The following ADCY2 variants were observed in gnomAD, a reference collection of about 807,000 sequenced individuals.
The protein encoded by ADCY2 is adenylate cyclase 2, also known as adenylate cyclase type 2.
A neutral mutation model predicts 125.2 loss-of-function variants in ADCY2; 31 were observed. The ratio of observed to expected loss-of-function variants is 0.25; its 90% CI spans 0.19 to 0.33. The LOEUF (loss-of-function observed/expected upper bound fraction) is 0.33, where lower values mean the gene tolerates loss of function less well. Among genes scored for constraint, ADCY2 ranks in the 10% least tolerant of loss-of-function variants. The probability of loss-of-function intolerance (pLI) is 1.00; values close to 1 mark genes in which losing one functional copy is unlikely to be tolerated. For missense variants in ADCY2, 904 were observed against 1,418.2 expected (o/e 0.64, Z 5.82); for synonymous variants, 512 against 548.4 (o/e 0.93, Z 0.93).
intron 16 of ADCY2, among the ~76,000 whole-genome samples, chr5:7,763,154 C>A (rs1268357603): frequency 6.6e-6 from 1 of 151,624 alleles, no homozygotes; most frequent in African/African-American, 2.4e-5. Context: ...AGTGCAGTGG[C>A]GGGATCTCGG....
At chr5:7,482,987 G>C (rs1742794695) in intron 2 of ADCY2, among the ~76,000 whole-genome samples, 1 of 151,756 alleles carries the variant, frequency 6.6e-6, no homozygotes, top group African/African-American at 2.4e-5. Flanking sequence ...AGTAGAGTGT[G>C]GAATGATAGT....
intron 3 of ADCY2, among the ~76,000 whole-genome samples, chr5:7,608,997 T>G (rs1737481888): frequency 6.6e-6 from 1 of 152,234 alleles, no homozygotes; most frequent in African/African-American, 2.4e-5. Flanking sequence ...TTCCCCTTTT[T>G]TATGCACATA....
chr5:7,698,193 A>G (rs943078091), intron 6 of ADCY2, 54 bp from the exon 7 acceptor site: 64 of 1,607,316 alleles, frequency 4.0e-5, no homozygotes, highest in Non-Finnish European at 5.4e-5. Context: ...ACATGAATCT[A>G]GATCATTCTG....
chr5:7,641,112 G>C (rs1482531442), intron 4 of ADCY2, among the ~76,000 whole-genome samples: 1 of 152,156 alleles, frequency 6.6e-6, no homozygotes, highest in Admixed American at 6.5e-5. Flanking sequence ...ACCCAGTTCT[G>C]ATGCTCTGCA....
chr5:7,759,409 G>A (rs1743120872), intron 16 of ADCY2, among the ~76,000 whole-genome samples: 1 of 152,322 alleles, frequency 6.6e-6, no homozygotes, highest in East Asian at 1.9e-4. Flanking sequence ...GGGAAGGAGG[G>A]GCTCACCAGG....
At chr5:7,401,788 A>G (rs1005141005) in intron 1 of ADCY2, among the ~76,000 whole-genome samples, 1 of 152,240 alleles carries the variant, frequency 6.6e-6, no homozygotes, top group African/African-American at 2.4e-5. Context: ...AAAATGGAAC[A>G]ACACTGTTAG....
chr5:7,726,721 C>G (rs1741944941), intron 13 of ADCY2, among the ~76,000 whole-genome samples: 1 of 152,146 alleles, frequency 6.6e-6, no homozygotes, highest in African/African-American at 2.4e-5. Context: ...AAATAAAATA[C>G]TAAAATAAAT....
At chr5:7,769,900 A>G (rs766446427) in intron 17 of ADCY2, among the ~76,000 whole-genome samples, 1 of 152,242 alleles carries the variant, frequency 6.6e-6, no homozygotes, top group South Asian at 2.1e-4. Flanking sequence ...TCAGGTTACC[A>G]GTAAGTACAC....
intron 15 of ADCY2, among the ~76,000 whole-genome samples, chr5:7,753,091 G>T (rs954296777): frequency 2.0e-5 from 3 of 151,910 alleles, no homozygotes; most frequent in Non-Finnish European, 4.4e-5. Flanking sequence ...TAGAGACAGG[G>T]TTTCACCATG....
At chr5:7,410,149 G>A (rs765136542) in intron 1 of ADCY2, among the ~76,000 whole-genome samples, 3 of 152,284 alleles carry the variant, frequency 2.0e-5, no homozygotes, top group African/African-American at 7.2e-5. Flanking sequence ...GAAGCCGGCT[G>A]AGGGACATTC....
At chr5:7,766,649 T>C (rs957315292) in intron 16 of ADCY2, 38 bp from the exon 17 acceptor site, 1 of 1,607,058 alleles carries the variant, frequency 6.2e-7, no homozygotes, top group African/African-American at 1.3e-5. Context: ...TTTAATCTAA[T>C]TTACATTAAT....
At chr5:7,682,523 G>A (rs2017766334) in intron 4 of ADCY2, among the ~76,000 whole-genome samples, 1 of 152,152 alleles carries the variant, frequency 6.6e-6, no homozygotes, top group African/African-American at 2.4e-5. Flanking sequence ...TACTCCAAAA[G>A]AGAACCATGA....
chr5:7,532,968 A>G lies in ADCY2; in HGVS notation c.570+12069A>G, dbSNP rs368052677. 2.8e-4 allele frequency among the ~76,000 whole-genome samples: 42 copies of G among 151,316 alleles called. 1 individual carries two copies. Among genetic ancestry groups the G allele is most frequent in the Middle Eastern group, 3.5e-3 (1 of 288 alleles). On this transcript the variant is annotated intron_variant, in intron 3 of 24. Transcript: ENST00000338316. Reference sequence around the variant, plus strand: ...CTTCTTTAATCTCAAATGTTTTTATATACACATTTATATGTAAATATGTGT... The same window carrying G: ...CTTCTTTAATCTCAAATGTTTTTATGTACACATTTATATGTAAATATGTGT...
intron 15 of ADCY2, 117 bp from the exon 16 acceptor site, chr5:7,757,332 C>A: frequency 7.6e-7 from 1 of 1,312,388 alleles, no homozygotes; most frequent in Non-Finnish European, 1.1e-6. Context: ...ATAGAATCTA[C>A]ATGTTTAGTC....
At chr5:7,741,630 C>CT (rs1742415628) in intron 14 of ADCY2, among the ~76,000 whole-genome samples, 1 of 98,286 alleles carries the variant, frequency 1.0e-5, no homozygotes, top group Non-Finnish European at 2.3e-5. Context: ...TCATTATCAC[C>CT]ATCATCATCA....
At chr5:7,762,926 T>A (rs946530249) in intron 16 of ADCY2, among the ~76,000 whole-genome samples, 17 of 152,182 alleles carry the variant, frequency 1.1e-4, no homozygotes, top group African/African-American at 3.6e-4. Context: ...ACATTTAATT[T>A]GCTCTCAGAA....
At chr5:7,773,183 G>C (rs187256188) in intron 18 of ADCY2, 82 bp downstream of exon 18, 2 of 1,364,494 alleles carry the variant, frequency 1.5e-6, no homozygotes, top group Non-Finnish European at 2.0e-6. Context: ...GTAAATGCAA[G>C]TTAGCGATGT....
Position 7,520,893 on chromosome 5 carries a change from C to A in ADCY2, c.564C>A (p.Val188=). ...SATPGGKEHL[V]WQILANVIIF... is the part of the protein sequence containing the mutation. Reference sequence around the variant, plus strand: ...CACCGGGAGGCAAGGAGCACCTGGTCTGGCAGGTGGGTGCACCTCCACATC... The same window carrying A: ...CACCGGGAGGCAAGGAGCACCTGGTATGGCAGGTGGGTGCACCTCCACATC... The change falls in exon 3 of 25, where the codon GTC becomes GTA. Residue 188 remains valine (V), a synonymous_variant. Transcript: ENST00000338316. 1 of 1,614,032 alleles carries A rather than the reference C, an allele frequency of 6.2e-7. No individual in the cohort carries two copies.
At chr5:7,742,987 GAATTATTT>G (rs938989590) in intron 14 of ADCY2, among the ~76,000 whole-genome samples, 5 of 152,030 alleles carry the variant, frequency 3.3e-5, no homozygotes, top group African/African-American at 1.2e-4. Context: ...AAAAGGCTTT[GAATTATTT>G]AATTATTTAA....
Sources: allele counts gnomAD v4.1 joint callset (sites outside exome capture counted in the v4.1 genomes callset), GRCh38; gene constraint gnomAD v4.1.1; transcripts MANE v1.5; gene names NCBI Gene and HGNC (gene_info 2026-07-23, HGNC 2026-07-21).